The following RPF1 variants were observed in gnomAD, a reference collection of about 807,000 sequenced individuals.
RPF1 encodes ribosome production factor 1 homolog, also known as ribosome production factor 1.
In RPF1, 34 loss-of-function variants were observed where a neutral mutation model predicts 41.9. That is an observed-to-expected ratio of 0.81 (90% CI 0.62 to 1.08). The LOEUF (loss-of-function observed/expected upper bound fraction) is 1.08, where lower values mean the gene tolerates loss of function less well. Ranked by LOEUF, RPF1 falls within the 50% of genes least tolerant of loss-of-function variation. The pLI is 0.00. For synonymous variants in RPF1, 140 were observed against 148.9 expected (o/e 0.94, Z 0.43); for missense variants, 425 against 435.2 (o/e 0.98, Z 0.21).
In RPF1 at chr1:84,498,252, C is replaced by T. The variant is rs1249358126; in HGVS notation, c.*782C>T. 2.0e-5 allele frequency: 3 copies of T among 152,570 alleles called. No homozygotes were observed. The highest frequency in any genetic ancestry group is 7.2e-5 in the African/African-American group (3 of 41,432). The allele number at this position is 152,570 out of a possible 1,614,324, so 9.5% of individuals were successfully genotyped here. A position where few individuals can be genotyped will look rare whatever the true frequency, so the allele number is the denominator to read the frequency against. ...AGAAGAGTAGGTGGAAAAAACTGTA[C>T]AAACTTAACCCCTTCAGGTGTTCAG... On this transcript the variant is annotated 3_prime_UTR_variant, in exon 9 of 9. Coordinates refer to ENST00000370654, the MANE Select transcript of RPF1 (RefSeq NM_025065.7).
intron 6 of RPF1, 59 bp from the exon 7 acceptor site, chr1:84,495,823 G>T: frequency 9.1e-7 from 1 of 1,098,832 alleles, no homozygotes; most frequent in Non-Finnish European, 1.3e-6. Context: ...AAATTGCATT[G>T]GGACGTATTG....
rs1570354831 is a variant in RPF1 at position 84,496,165 on chromosome 1, A to C, written c.882-79A>C. On this transcript the variant is annotated intron_variant, in intron 7 of 8. Transcript: ENST00000370654. ...TTGTAGCAAGTATCATACAAGATAA[A>C]ATGAATTATCTTTTGAACCCTGTCA... 4.1e-6 allele frequency: 6 copies of C among 1,468,104 alleles called. No individual in the cohort carries two copies. In the East Asian group the frequency reaches 1.4e-4, roughly 33 times the overall value. 90.9% of individuals were successfully genotyped at this position (1,468,104 alleles called of 1,614,324 possible). A position where few individuals can be genotyped will look rare whatever the true frequency, so the allele number is the denominator to read the frequency against.
At position 84,496,068 on chromosome 1, in the gene RPF1, G is replaced by A; in HGVS notation, c.881+5G>A. ...CATATTCTTCAGATTTCACAGGTGA[G>A]GAAGGTAAACTCATTGAACTTTGAT... is the stretch of plus-strand genomic sequence containing the variant. On this transcript the variant is annotated splice_donor_5th_base_variant and intron_variant, in intron 7 of 8. Coordinates refer to ENST00000370654, the MANE Select transcript of RPF1 (RefSeq NM_025065.7). The A allele has an allele frequency of 6.3e-7, 1 of 1,593,252 alleles. No homozygotes were observed. The highest frequency in any genetic ancestry group is 8.6e-7 in the Non-Finnish European group (1 of 1,169,142).
rs1558537704 is a variant in RPF1, at chr1:84,480,982, TAAAAAAG to T, written c.259_265del (p.Lys87GlufsTer28). The T allele has an allele frequency of 1.8e-5, 28 of 1,596,184 alleles. No individual in the cohort carries two copies. The highest frequency in any genetic ancestry group is 2.2e-5 in the Non-Finnish European group (26 of 1,166,836). On this transcript the variant is annotated frameshift_variant, in exon 2 of 9. Coordinates refer to ENST00000370654, the MANE Select transcript of RPF1 (RefSeq NM_025065.7). LOFTEE classifies it high-confidence loss of function. ...AAAAGTTGGCAGCTAAGAAAAAACT[TAAAAAAG>T]AAAGAGAGGCTCTTGGCGATAAGGT...
chr1:84,487,656 TTTCTC>T (rs1212784641), intron 3 of RPF1, among the ~76,000 whole-genome samples: 15 of 152,106 alleles, frequency 9.9e-5, no homozygotes, highest in African/African-American at 3.4e-4. Context: ...TTAAGAAACT[TTTCTC>T]TTTCCTGTGA....
intron 3 of RPF1, among the ~76,000 whole-genome samples, chr1:84,483,486 C>G (rs570821182): frequency 1.3e-5 from 2 of 152,092 alleles, no homozygotes; most frequent in Admixed American, 1.3e-4. Context: ...AGGCTGGTCT[C>G]GAACTCCTGA....
In RPF1 at chr1:84,496,296, T is replaced by A; in HGVS notation, c.934T>A (p.Phe312Ile). ...GGGAATTCAGGAACTTGGACCACGT[T>A]TTACCTTAAAATTAAGGTCTCTTCA... The part of the protein sequence containing the change: ...KVGIQELGPR[F>I]TLKLRSLQKG... Residue 312 changes from phenylalanine (F) to isoleucine (I), a missense_variant, in exon 8 of 9, where the codon TTT becomes ATT. Physicochemically the swap from Phe to Ile is conservative, Grantham distance 21 (BLOSUM62 0). Transcript: ENST00000370654. 3 of 1,613,120 alleles carry A rather than the reference T, an allele frequency of 1.9e-6. No homozygotes were observed. The South Asian group carries it at 3.3e-5, about 18-fold the overall frequency.
In RPF1 at chr1:84,479,296, G is replaced by T; in HGVS notation, c.15G>T (p.Gly5=). 1 of 1,602,044 alleles carries T rather than the reference G, an allele frequency of 6.2e-7. No homozygotes were observed. The highest frequency in any genetic ancestry group is 1.1e-5 in the South Asian group (1 of 89,940). The change falls in exon 1 of 9, where the codon GGG becomes GGT. Residue 5 remains glycine, a synonymous_variant. Transcript: ENST00000370654. ...GAGCCAAGACCATGGCGAAAGCCGG[G>T]GATAAGAGCAGCAGCAGCGGGAAGA... MAKA[G]DKSSSSGKKS...
intron 5 of RPF1, among the ~76,000 whole-genome samples, chr1:84,493,846 G>A (rs1308784621): frequency 6.6e-6 from 1 of 152,054 alleles, no homozygotes; most frequent in Admixed American, 6.5e-5. Flanking sequence ...ACATAAGACT[G>A]TGAGTACCTA....
chr1:84,484,251 C>G (rs1275378569), intron 3 of RPF1, among the ~76,000 whole-genome samples: 1 of 152,106 alleles, frequency 6.6e-6, no homozygotes, highest in Non-Finnish European at 1.5e-5. Flanking sequence ...CCCAGACTTC[C>G]TAAATATTCC....
chr1:84,486,712 A>G (rs1681745848), intron 3 of RPF1, among the ~76,000 whole-genome samples: 1 of 152,164 alleles, frequency 6.6e-6, no homozygotes. Flanking sequence ...CTACTAAACA[A>G]ATCCAGGAAA....
chr1:84,497,584 T>G lies in RPF1; in HGVS notation c.*114T>G. The stretch of plus-strand genomic sequence containing the variant: ...GGCATTTGCTGATTTCATAAACCTT[T>G]CACGTCTGGACGAATTACCAAATGC... On this transcript the variant is annotated 3_prime_UTR_variant, in exon 9 of 9. Transcript: ENST00000370654. 2.9e-6 allele frequency: 2 copies of G among 694,848 alleles called. No individual in the cohort carries two copies. Among genetic ancestry groups the G allele is most frequent in the Non-Finnish European group, 4.7e-6 (2 of 429,070 alleles). 43.0% of individuals were successfully genotyped at this position (694,848 alleles called of 1,614,324 possible).
intron 3 of RPF1, among the ~76,000 whole-genome samples, chr1:84,485,039 T>C (rs1445306958): frequency 2.6e-5 from 4 of 152,152 alleles, no homozygotes; most frequent in African/African-American, 9.7e-5. Flanking sequence ...ATCTTGATGA[T>C]TGGACCCAAG....
At position 84,496,354 on chromosome 1, in the gene RPF1, A is replaced by C; in HGVS notation, c.992A>C (p.Tyr331Ser). The C allele has an allele frequency of 6.2e-7, 1 of 1,611,380 alleles. No homozygotes were observed. The highest frequency in any genetic ancestry group is 8.5e-7 in the Non-Finnish European group (1 of 1,178,642). The change falls in exon 8 of 9, where the codon TAT becomes TCT. Residue 331 changes from tyrosine (Y) to serine (S), a missense_variant. Tyr to Ser is a moderately radical substitution (Grantham distance 144). Transcript: ENST00000370654. ...KGTFDSKYGE[Y>S]EWVHKPREMD... ...ACCTTTGATTCTAAATATGGAGAGT[A>C]TGAATGGGTCCATAAGGTATGTGCT... is the stretch of plus-strand genomic sequence containing the variant.
intron 5 of RPF1, among the ~76,000 whole-genome samples, chr1:84,493,061 A>G (rs2101886827): frequency 1.3e-5 from 2 of 152,346 alleles, no homozygotes; most frequent in African/African-American, 2.4e-5. Flanking sequence ...AGCCTCTTGC[A>G]CAATGCAGGT....
At position 84,480,984 on chromosome 1, in the gene RPF1, A is replaced by G; in HGVS notation, c.257A>G (p.Lys86Arg). 6.3e-7 allele frequency: 1 copy of G among 1,596,276 alleles called. No individual in the cohort carries two copies. Among genetic ancestry groups the G allele is most frequent in the Non-Finnish European group, 8.6e-7 (1 of 1,166,740 alleles). ...KEKLAAKKKL[K>R]KEREALGDKA... Reference sequence around the variant, plus strand: ...AAGTTGGCAGCTAAGAAAAAACTTAAAAAAGAAAGAGAGGCTCTTGGCGAT... The same window carrying G: ...AAGTTGGCAGCTAAGAAAAAACTTAGAAAAGAAAGAGAGGCTCTTGGCGAT... The change falls in exon 2 of 9, where the codon AAA becomes AGA. Residue 86 changes from lysine (K) to arginine (R), a missense_variant. By Grantham distance (26) the Lys-to-Arg change is conservative (BLOSUM62 2). Coordinates refer to ENST00000370654, the MANE Select transcript of RPF1 (RefSeq NM_025065.7).
intron 2 of RPF1, among the ~76,000 whole-genome samples, chr1:84,481,499 G>A (rs1681645612): frequency 6.6e-6 from 1 of 152,160 alleles, no homozygotes; most frequent in Non-Finnish European, 1.5e-5. Flanking sequence ...ATCCTCTTCT[G>A]GAGTAGGGTG....
intron 1 of RPF1, 86 bp downstream of exon 1, chr1:84,479,595 G>A: frequency 7.7e-7 from 1 of 1,305,784 alleles, no homozygotes; most frequent in Non-Finnish European, 1.1e-6. Context: ...GTGGTTGTCT[G>A]CTGGTCTCAA....
chr1:84,496,153 C>G (rs978066096), intron 7 of RPF1, 90 bp downstream of exon 7: 20 of 1,459,366 alleles, frequency 1.4e-5, no homozygotes, highest in Non-Finnish European at 1.8e-5. Flanking sequence ...TAGCAAGTAT[C>G]ATACAAGATA....
Sources: allele counts gnomAD v4.1 joint callset (sites outside exome capture counted in the v4.1 genomes callset), GRCh38; gene constraint gnomAD v4.1.1; transcripts MANE v1.5; gene names NCBI Gene and HGNC (gene_info 2026-07-23, HGNC 2026-07-21).